The following BPNT1 variants were observed in gnomAD, a reference collection of about 807,000 sequenced individuals.
BPNT1 encodes 3'(2'),5'-bisphosphate nucleotidase 1.
BPNT1 carries 28 observed loss-of-function variants against 36.9 expected under a neutral mutation model. That is an observed-to-expected ratio of 0.76 (90% CI 0.56 to 1.04). BPNT1 has a LOEUF of 1.04. Among genes scored for constraint, BPNT1 ranks in the 50% least tolerant of loss-of-function variants. BPNT1 has a pLI of 0.00. For missense variants in BPNT1, 313 were observed against 372.9 expected, an observed-to-expected ratio of 0.84 and a Z score of 1.32; for synonymous variants, 119 against 130.9, an observed-to-expected ratio of 0.91 and a Z score of 0.62.
intron 1 of BPNT1, among the ~76,000 whole-genome samples, chr1:220,088,872 G>A (rs1206398978): frequency 1.3e-5 from 2 of 151,486 alleles, no homozygotes; most frequent in African/African-American, 2.4e-5. Context: ...GGCCGAGACG[G>A]GCAGATCACG....
chr1:220,075,465 G>A (rs1664462282), intron 2 of BPNT1, among the ~76,000 whole-genome samples: 1 of 152,216 alleles, frequency 6.6e-6, no homozygotes, highest in Admixed American at 6.5e-5. Context: ...CTGCTAGAAT[G>A]TAAGCTCCAC....
intron 1 of BPNT1, among the ~76,000 whole-genome samples, chr1:220,080,294 A>G (rs1664984371): frequency 6.6e-6 from 1 of 152,216 alleles, no homozygotes; most frequent in Non-Finnish European, 1.5e-5. Flanking sequence ...GGCAGCGCCA[A>G]AAGAGGTATG....
At chr1:220,077,979 C>A (rs1027304944) in intron 2 of BPNT1, among the ~76,000 whole-genome samples, 12 of 151,844 alleles carry the variant, frequency 7.9e-5, no homozygotes, top group African/African-American at 2.7e-4. Flanking sequence ...GAGTTTGAGA[C>A]CAGCCTGGGC....
At chr1:220,086,295 T>C (rs1308035173) in intron 1 of BPNT1, among the ~76,000 whole-genome samples, 1 of 152,098 alleles carries the variant, frequency 6.6e-6, no homozygotes, top group African/African-American at 2.4e-5. Context: ...TTTTGATATG[T>C]AGTCTCGCTC....
At position 220,082,103 on chromosome 1, in the gene BPNT1, G is replaced by T. The variant is rs1050399660; in HGVS notation, c.-8-2249C>A. On this transcript the variant is annotated intron_variant, in intron 1 of 8. Coordinates refer to ENST00000322067, the MANE Select transcript of BPNT1 (RefSeq NM_006085.6). ...ATATATATAGAGAGAGAGAGAGAGA[G>T]AGAGAGAGAGAGAGAGAGTGTATAT... Among the ~76,000 whole-genome samples the T allele has an allele frequency of 8.2e-4, 118 of 144,382 alleles. 1 individual carries two copies. Among genetic ancestry groups the T allele is most frequent in the Non-Finnish European group, 5.0e-4 (33 of 66,458 alleles). 94.7% of individuals were successfully genotyped at this position (144,382 alleles called of 152,430 possible).
At chr1:220,080,085 T>A (rs1379596731) in intron 1 of BPNT1, among the ~76,000 whole-genome samples, 7 of 152,218 alleles carry the variant, frequency 4.6e-5, no homozygotes, top group African/African-American at 1.7e-4. Flanking sequence ...AGATGAGACA[T>A]GTCAAAGCAT....
chr1:220,079,738 T>C lies in BPNT1; in HGVS notation c.109A>G (p.Ile37Val). The C allele has an allele frequency of 6.2e-7, 1 of 1,614,072 alleles. No homozygotes were observed. The change falls in exon 2 of 9, where the codon ATT (isoleucine) becomes GTT (valine). Residue 37 changes from isoleucine to valine, a missense_variant. Ile to Val is a conservative substitution (Grantham distance 29). Coordinates refer to ENST00000322067, the MANE Select transcript of BPNT1 (RefSeq NM_006085.6). The part of the protein sequence containing the change: ...RRVIAEGDLG[I>V]VEKTCATDLQ... ...GAGAGTTTGAGTACCTTCTCCACAA[T>C]ACCCAGGTCTCCTTCAGCAATAACA...
At chr1:220,085,659 T>A (rs1655648218) in intron 1 of BPNT1, among the ~76,000 whole-genome samples, 1 of 152,208 alleles carries the variant, frequency 6.6e-6, no homozygotes, top group Non-Finnish European at 1.5e-5. Context: ...TCCTGTAGTT[T>A]CTCCAACAGT....
At chr1:220,074,840 CT>C (rs1332617017) in intron 2 of BPNT1, among the ~76,000 whole-genome samples, 1 of 152,140 alleles carries the variant, frequency 6.6e-6, no homozygotes, top group Non-Finnish European at 1.5e-5. Context: ...ATATGAACTG[CT>C]GTAATATTTA....
intron 7 of BPNT1, among the ~76,000 whole-genome samples, chr1:220,061,891 A>G (rs1663067510): frequency 6.6e-6 from 1 of 152,090 alleles, no homozygotes; most frequent in Non-Finnish European, 1.5e-5. Context: ...GAATGGGGGA[A>G]ATAGATAGGA....
chr1:220,073,571 C>T (rs577149435), intron 3 of BPNT1, among the ~76,000 whole-genome samples: 2 of 152,210 alleles, frequency 1.3e-5, no homozygotes, highest in Non-Finnish European at 2.9e-5. Flanking sequence ...GTATTACAGG[C>T]GTGAGCCACT....
intron 4 of BPNT1, among the ~76,000 whole-genome samples, chr1:220,070,912 C>T (rs1355800150): frequency 6.6e-6 from 1 of 150,478 alleles, no homozygotes; most frequent in Non-Finnish European, 1.5e-5. Flanking sequence ...CTGAGGCGGG[C>T]AGATCACCTG....
rs1664835611 is a variant in BPNT1 at position 220,078,744 on chromosome 1, T to C, written c.120+983A>G. On this transcript the variant is annotated intron_variant, in intron 2 of 8. Coordinates refer to ENST00000322067, the MANE Select transcript of BPNT1 (RefSeq NM_006085.6). ...TCCTGAGTAGCTGTGAGTATAGGTGTGCACCACCATGCCCAGCTAATTTTT... is the reference window on the plus strand; with the variant it reads ...TCCTGAGTAGCTGTGAGTATAGGTGCGCACCACCATGCCCAGCTAATTTTT... 2.6e-5 allele frequency among the ~76,000 whole-genome samples: 4 copies of C among 151,586 alleles called. No homozygotes were observed. In the South Asian group the frequency reaches 8.3e-4, roughly 31 times the overall value.
chr1:220,086,034 T>G (rs1248355605), intron 1 of BPNT1, among the ~76,000 whole-genome samples: 3 of 152,176 alleles, frequency 2.0e-5, no homozygotes, highest in Non-Finnish European at 2.9e-5. Context: ...AAAATTAAAA[T>G]GTAAGCATAA....
intron 4 of BPNT1, among the ~76,000 whole-genome samples, chr1:220,071,393 A>G (rs1489712179): frequency 6.6e-6 from 1 of 152,156 alleles, no homozygotes; most frequent in Non-Finnish European, 1.5e-5. Context: ...TCTATCCCCA[A>G]TTACCAATGA....
At chr1:220,072,103 C>G (rs1451782377) in intron 4 of BPNT1, among the ~76,000 whole-genome samples, 6 of 150,994 alleles carry the variant, frequency 4.0e-5, no homozygotes, top group Non-Finnish European at 7.4e-5. Flanking sequence ...TGGCTCAAGC[C>G]TGTAATCCCA....
intron 6 of BPNT1, among the ~76,000 whole-genome samples, chr1:220,063,811 A>G (rs1222238619): frequency 6.6e-6 from 1 of 152,204 alleles, no homozygotes; most frequent in Non-Finnish European, 1.5e-5. Flanking sequence ...TAACAGCAAA[A>G]TGACAATGAT....
At position 220,058,556 on chromosome 1, in the gene BPNT1, G is replaced by A; in HGVS notation, c.*288C>T. The A allele has an allele frequency of 4.2e-6, 4 of 953,926 alleles. No homozygotes were observed. The highest frequency in any genetic ancestry group is 3.8e-6 in the Non-Finnish European group (3 of 785,948). The allele number at this position is 953,926 out of a possible 1,614,324, so 59.1% of individuals were successfully genotyped here. On this transcript the variant is annotated 3_prime_UTR_variant, in exon 9 of 9. Transcript: ENST00000322067. ...TTTGTTTTTTTTTTTTCTGAGACAG[G>A]GCTTAACTCCTGTCACTCAGGCTGG...
chr1:220,083,356 G>A (rs1240505438), intron 1 of BPNT1, among the ~76,000 whole-genome samples: 1 of 148,940 alleles, frequency 6.7e-6, no homozygotes, highest in Non-Finnish European at 1.5e-5. Flanking sequence ...ATGGAGTCTC[G>A]CTCTATCGCC....
Sources: gnomAD v4.1 joint callset for allele counts (sites outside exome capture counted in the v4.1 genomes callset) on GRCh38, gnomAD v4.1.1 for gene constraint, MANE v1.5 for transcripts, NCBI Gene and HGNC (gene_info 2026-07-23, HGNC 2026-07-21) for gene names.